PSD3: variants seen among roughly 807,000 people sequenced by gnomAD.
PSD3 encodes PH and SEC7 domain-containing protein 3.
PSD3 carries 49 observed loss-of-function variants against 105.5 expected under a neutral mutation model. That is an observed-to-expected ratio of 0.46 (90% CI 0.37 to 0.59). The LOEUF (loss-of-function observed/expected upper bound fraction) is 0.59, where lower values mean the gene tolerates loss of function less well. Ranked by LOEUF, PSD3 falls within the 20% of genes least tolerant of loss-of-function variation. PSD3 has a pLI of 0.00. For synonymous variants in PSD3, 557 were observed against 457.8 expected (o/e 1.22, Z -2.77); for missense variants, 1,561 against 1,263.8 (o/e 1.24, Z -3.57).
intron 15 of PSD3, among the ~76,000 whole-genome samples, chr8:18,544,455 T>G (rs1800340879): frequency 6.6e-6 from 1 of 151,582 alleles, no homozygotes; most frequent in African/African-American, 2.4e-5. Flanking sequence ...CCTATGCTAC[T>G]CCCATGTCAG....
upstream of PSD3, among the ~76,000 whole-genome samples, chr8:19,017,485 A>G (rs1195938227): frequency 6.6e-6 from 1 of 152,202 alleles, no homozygotes; most frequent in African/African-American, 2.4e-5. Context: ...GATTTGTGCA[A>G]TCATCACCAC....
intron 9 of PSD3, among the ~76,000 whole-genome samples, chr8:18,752,528 A>AT (rs1428157892): frequency 3.1e-3 from 153 of 49,394 alleles, no homozygotes; most frequent in South Asian, 0.029. Flanking sequence ...TAATATATAT[A>AT]ATTATATATT....
At chr8:18,614,867 C>G (rs192701364) in intron 11 of PSD3, among the ~76,000 whole-genome samples, 66 of 151,618 alleles carry the variant, frequency 4.4e-4, no homozygotes, top group Middle Eastern at 3.4e-3. Flanking sequence ...AACTGCTGGG[C>G]TTAAGCGATC....
chr8:18,881,626 T>C (rs1389318887), intron 2 of PSD3, among the ~76,000 whole-genome samples: 3 of 152,164 alleles, frequency 2.0e-5, no homozygotes, highest in Admixed American at 6.5e-5. Context: ...CCAGACTATA[T>C]GGCAGTCACA....
At chr8:18,723,555 C>G (rs1460303843) in intron 9 of PSD3, among the ~76,000 whole-genome samples, 1 of 152,140 alleles carries the variant, frequency 6.6e-6, no homozygotes, top group Non-Finnish European at 1.5e-5. Context: ...AGACATATGA[C>G]AGAGTTCCCT....
chr8:18,682,315 C>T (rs4921953), intron 9 of PSD3, among the ~76,000 whole-genome samples: 126,283 of 152,206 alleles, frequency 0.83, 54,906 homozygotes, highest in Non-Finnish European at 0.97. Flanking sequence ...AATCCAGAGA[C>T]GTCTCTTAGT....
chr8:19,001,881 G>A, intron 1 of PSD3: 2 of 182,150 alleles, frequency 1.1e-5, no homozygotes, highest in Non-Finnish European at 2.4e-5. Flanking sequence ...GCATCCCCCA[G>A]AAACTGTGGA....
intron 7 of PSD3, chr8:18,800,868 A>G (rs1335140109): frequency 2.6e-5 from 4 of 155,252 alleles, no homozygotes; most frequent in South Asian, 4.0e-4. Context: ...GACCAAATGT[A>G]TAAGAAATAA....
chr8:19,041,524 C>A (rs924368215), intron 1 of PSD3, among the ~76,000 whole-genome samples: 4 of 152,204 alleles, frequency 2.6e-5, no homozygotes, highest in Non-Finnish European at 4.4e-5. Context: ...AAGTAAAATT[C>A]AGTGCAAATA....
At chr8:18,555,423 GA>G (rs147449647) in intron 15 of PSD3, among the ~76,000 whole-genome samples, 2 of 147,254 alleles carry the variant, frequency 1.4e-5, no homozygotes, top group East Asian at 2.0e-4. Flanking sequence ...ACACCCACCA[GA>G]AAAAAAAACA....
chr8:18,710,465 C>A (rs6987756), intron 9 of PSD3, among the ~76,000 whole-genome samples: 6,972 of 152,060 alleles, frequency 0.046, 316 homozygotes, highest in East Asian at 0.22. Flanking sequence ...GCAAGACAGG[C>A]AAATATTCAC....
chr8:18,987,108 C>T (rs1056781291), intron 1 of PSD3, among the ~76,000 whole-genome samples: 1 of 151,942 alleles, frequency 6.6e-6, no homozygotes, highest in African/African-American at 2.4e-5. Context: ...GCAAACTATA[C>T]CTAATAATTT....
At chr8:18,859,875 G>A (rs1174422504) in intron 4 of PSD3, among the ~76,000 whole-genome samples, 1 of 152,058 alleles carries the variant, frequency 6.6e-6, no homozygotes, top group East Asian at 1.9e-4. Flanking sequence ...TCAGAAATAA[G>A]GTGTTTTCCT....
intron 2 of PSD3, among the ~76,000 whole-genome samples, chr8:18,877,502 T>C (rs1817800905): frequency 6.6e-6 from 1 of 152,090 alleles, no homozygotes; most frequent in African/African-American, 2.4e-5. Flanking sequence ...CAAAGGTTTA[T>C]TTCTGGACTC....
At chr8:18,915,150 A>C (rs1430861636) in intron 2 of PSD3, among the ~76,000 whole-genome samples, 2 of 152,228 alleles carry the variant, frequency 1.3e-5, no homozygotes, top group Non-Finnish European at 2.9e-5. Context: ...ATGCAGAAGA[A>C]TGAAATTAAA....
At chr8:18,706,077 G>C (rs571944411) in intron 9 of PSD3, among the ~76,000 whole-genome samples, 2 of 152,268 alleles carry the variant, frequency 1.3e-5, no homozygotes, top group East Asian at 3.9e-4. Flanking sequence ...GGTTGGCTCA[G>C]CGTCCAGTTC....
chr8:18,823,481 G>A (rs1346099798), intron 4 of PSD3, among the ~76,000 whole-genome samples: 4 of 152,092 alleles, frequency 2.6e-5, no homozygotes, highest in African/African-American at 7.2e-5. Flanking sequence ...CTAGAGGTAT[G>A]AAAAGTCCTG....
chr8:18,976,359 T>C (rs1824944608), intron 1 of PSD3, among the ~76,000 whole-genome samples: 1 of 152,204 alleles, frequency 6.6e-6, no homozygotes, highest in Admixed American at 6.5e-5. Context: ...TTTCACCAAT[T>C]AAAAATTGTA....
At chr8:18,762,774 G>T in intron 9 of PSD3, 1 of 414,806 alleles carries the variant, frequency 2.4e-6, no homozygotes. Flanking sequence ...TAAATCAACT[G>T]AATTGAAGGA....
Sources: gnomAD v4.1 joint callset for allele counts (sites outside exome capture counted in the v4.1 genomes callset) on GRCh38, gnomAD v4.1.1 for gene constraint, MANE v1.5 for transcripts, NCBI Gene and HGNC (gene_info 2026-07-23, HGNC 2026-07-21) for gene names.